The following AOAH variants were observed in gnomAD, a reference collection of about 807,000 sequenced individuals.
AOAH encodes the protein acyloxyacyl hydrolase, also known as acyloxyacyl hydrolase (neutrophil).
Under a neutral mutation model 92.2 loss-of-function variants are expected in AOAH, and 64 were observed. The observed-to-expected ratio is 0.69, with a 90% CI of 0.57 to 0.86. The LOEUF is 0.86. Among genes scored for constraint, AOAH ranks in the 40% least tolerant of loss-of-function variants. AOAH has a pLI of 0.00. For synonymous variants in AOAH, 263 were observed against 254.5 expected, an observed-to-expected ratio of 1.03 and a Z score of -0.32; for missense variants, 656 against 694.6, an observed-to-expected ratio of 0.94 and a Z score of 0.62.
intron 20 of AOAH, among the ~76,000 whole-genome samples, chr7:36,520,573 C>T (rs570101125): frequency 1.9e-4 from 29 of 152,184 alleles, no homozygotes; most frequent in African/African-American, 5.3e-4. Context: ...GGTGTGGTGG[C>T]GCATGCCTGT....
At chr7:36,698,768 A>G (rs1797864087) in intron 1 of AOAH, among the ~76,000 whole-genome samples, 1 of 152,210 alleles carries the variant, frequency 6.6e-6, no homozygotes, top group Non-Finnish European at 1.5e-5. Flanking sequence ...TGTAATTGGG[A>G]TATCTATCAT....
chr7:36,670,838 CAG>C (rs1158489344), intron 3 of AOAH, among the ~76,000 whole-genome samples: 2 of 126,214 alleles, frequency 1.6e-5, no homozygotes, highest in African/African-American at 6.5e-5. Flanking sequence ...ACATGCTGTA[CAG>C]TTTGCATCTG....
intron 16 of AOAH, among the ~76,000 whole-genome samples, chr7:36,533,560 A>G (rs998514327): frequency 1.3e-5 from 2 of 151,638 alleles, no homozygotes; most frequent in Non-Finnish European, 2.9e-5. Context: ...ATTTTAAATG[A>G]CTCCCAAATC....
chr7:36,577,659 T>C (rs1788612059), intron 12 of AOAH, among the ~76,000 whole-genome samples: 1 of 152,220 alleles, frequency 6.6e-6, no homozygotes, highest in Non-Finnish European at 1.5e-5. Context: ...TTTCATTTTC[T>C]TTCGCTTAAT....
chr7:36,620,641 C>A lies in AOAH; in HGVS notation c.702+140G>T, dbSNP rs1267242341. On this transcript the variant is annotated intron_variant, in intron 9 of 20. Coordinates refer to ENST00000617537, the MANE Select transcript of AOAH (RefSeq NM_001637.4). The stretch of plus-strand genomic sequence containing the variant: ...CTTCATGCATCATCAGGATTCTATA[C>A]CCCTCTTCTAAGCAGCAGGAAAAGA... 6 of 714,600 alleles carry A rather than the reference C, an allele frequency of 8.4e-6. No individual in the cohort carries two copies. In the African/African-American group the frequency reaches 8.9e-5, roughly 11 times the overall value. The allele number at this position is 714,600 out of a possible 1,614,324, so 44.3% of individuals were successfully genotyped here. A position where few individuals can be genotyped will look rare whatever the true frequency, so the allele number is the denominator to read the frequency against.
chr7:36,604,371 A>C (rs1022570164), intron 11 of AOAH, among the ~76,000 whole-genome samples: 7 of 152,140 alleles, frequency 4.6e-5, no homozygotes, highest in Non-Finnish European at 1.0e-4. Context: ...GCTAGACTTT[A>C]CATTTTTTGA....
At chr7:36,602,678 T>G (rs1583917463) in intron 11 of AOAH, among the ~76,000 whole-genome samples, 1 of 152,170 alleles carries the variant, frequency 6.6e-6, no homozygotes, top group Non-Finnish European at 1.5e-5. Context: ...ATACCTTTGA[T>G]TCTGTAAAAG....
In AOAH at chr7:36,674,022, A is replaced by T. The variant is rs1796094396; in HGVS notation, c.224-13T>A. 1 of 1,525,220 alleles carries T rather than the reference A, an allele frequency of 6.6e-7. No homozygotes were observed. Among genetic ancestry groups the T allele is most frequent in the Non-Finnish European group, 9.1e-7 (1 of 1,100,572 alleles). The allele number at this position is 1,525,220 out of a possible 1,614,324, so 94.5% of individuals were successfully genotyped here. On this transcript the variant is annotated splice_polypyrimidine_tract_variant and intron_variant, in intron 2 of 20. Transcript: ENST00000617537. ...AAGAACAGTTTTTCTAAAAAATATA[A>T]AGAGGGAAATTGAATATATTTTTAT...
chr7:36,571,302 A>T (rs1583847318), intron 13 of AOAH, among the ~76,000 whole-genome samples: 2 of 152,144 alleles, frequency 1.3e-5, no homozygotes, highest in East Asian at 3.9e-4. Flanking sequence ...CTATCCCCCA[A>T]AGGGAGGGCA....
In AOAH at chr7:36,620,803, T is replaced by A; in HGVS notation, c.680A>T (p.Asp227Val). 1 of 1,613,976 alleles carries A rather than the reference T, an allele frequency of 6.2e-7. No homozygotes were observed. Among genetic ancestry groups the A allele is most frequent in the Non-Finnish European group, 8.5e-7 (1 of 1,179,934 alleles). ...RRPNNWDVHQ[D>V]SNCNGIWGVD... The stretch of plus-strand genomic sequence containing the variant: ...TACCCAAATGCCATTACAGTTTGAA[T>A]CCTGATGGACATCCCAGTTGTTCGG... Residue 227 changes from aspartate to valine, a missense_variant, in exon 9 of 21, where the codon GAT becomes GTT. Physicochemically the swap from Asp to Val is radical, Grantham distance 152 (BLOSUM62 -3). Transcript: ENST00000617537.
At chr7:36,633,307 C>G (rs1793269748) in intron 5 of AOAH, among the ~76,000 whole-genome samples, 1 of 152,172 alleles carries the variant, frequency 6.6e-6, no homozygotes, top group African/African-American at 2.4e-5. Context: ...CCAAGTCATT[C>G]TGGTGCCCAC....
intron 1 of AOAH, among the ~76,000 whole-genome samples, chr7:36,697,449 T>G (rs148321277): frequency 2.9e-3 from 435 of 152,320 alleles, no homozygotes; most frequent in African/African-American, 9.6e-3. Flanking sequence ...TGTCAATATT[T>G]TGTTAAGGGT....
intron 4 of AOAH, among the ~76,000 whole-genome samples, chr7:36,656,012 G>A (rs1252742983): frequency 6.6e-6 from 1 of 152,230 alleles, no homozygotes; most frequent in Non-Finnish European, 1.5e-5. Context: ...AATCCACCAA[G>A]TGGAAGGACA....
At chr7:36,679,711 G>A (rs1796520777) in intron 2 of AOAH, among the ~76,000 whole-genome samples, 1 of 151,820 alleles carries the variant, frequency 6.6e-6, no homozygotes, top group Non-Finnish European at 1.5e-5. Flanking sequence ...AGGCTGGAGT[G>A]CAGTGGTGCA....
chr7:36,649,683 T>C (rs1326393502), intron 4 of AOAH, among the ~76,000 whole-genome samples: 1 of 152,200 alleles, frequency 6.6e-6, no homozygotes, highest in Non-Finnish European at 1.5e-5. Flanking sequence ...AGCTCTGTTT[T>C]CACTCTATTA....
chr7:36,577,706 A>G (rs1788622289), intron 12 of AOAH, among the ~76,000 whole-genome samples: 1 of 152,242 alleles, frequency 6.6e-6, no homozygotes, highest in East Asian at 1.9e-4. Context: ...AACAAAATTT[A>G]GTTTAAATGT....
intron 13 of AOAH, among the ~76,000 whole-genome samples, chr7:36,552,881 A>C (rs567925524): frequency 6.6e-6 from 1 of 152,088 alleles, no homozygotes; most frequent in Non-Finnish European, 1.5e-5. Context: ...AGCTGCCTCC[A>C]TGTTACTAGC....
intron 20 of AOAH, among the ~76,000 whole-genome samples, chr7:36,517,278 TTC>T: frequency 6.7e-6 from 1 of 148,530 alleles, no homozygotes; most frequent in African/African-American, 2.5e-5. Flanking sequence ...CTTTCTTTCT[TTC>T]TTTCTTTCTT....
chr7:36,684,623 C>T (rs1220598679), intron 2 of AOAH, among the ~76,000 whole-genome samples: 1 of 151,730 alleles, frequency 6.6e-6, no homozygotes, highest in Non-Finnish European at 1.5e-5. Context: ...CGACCATCAC[C>T]AAAAGAAAGT....
Sources: allele counts gnomAD v4.1 joint callset (sites outside exome capture counted in the v4.1 genomes callset), GRCh38; gene constraint gnomAD v4.1.1; transcripts MANE v1.5; gene names NCBI Gene and HGNC (gene_info 2026-07-23, HGNC 2026-07-21).